Variants in TRIM24 observed in about 807,000 individuals in gnomAD.
TRIM24 encodes the protein tripartite motif containing 24.
In TRIM24, 29 loss-of-function variants were observed where a neutral mutation model predicts 123.9. That is an observed-to-expected ratio of 0.23 (90% CI 0.17 to 0.32). TRIM24 has a LOEUF of 0.32. Among genes scored for constraint, TRIM24 ranks in the 10% least tolerant of loss-of-function variants. The pLI, the probability that TRIM24 is intolerant of heterozygous loss-of-function variation, is 1.00. For missense variants in TRIM24, 932 were observed against 1,295.3 expected (o/e 0.72, Z 4.31); for synonymous variants, 456 against 461.1 (o/e 0.99, Z 0.14).
Position 138,585,025 on chromosome 7 carries a change from A to G in TRIM24, c.*74A>G. ...AAAAAACATTTGTCAGTAATTTAAC[A>G]TCACTACAAAAAGAAGAGTTTGTGA... On this transcript the variant is annotated 3_prime_UTR_variant, in exon 19 of 19. Transcript: ENST00000343526. 7.7e-7 allele frequency: 1 copy of G among 1,296,120 alleles called. No individual in the cohort carries two copies. Among genetic ancestry groups the G allele is most frequent in the East Asian group, 2.4e-5 (1 of 41,574 alleles). The allele number at this position is 1,296,120 out of a possible 1,614,324, so 80.3% of individuals were successfully genotyped here.
chr7:138,502,095 T>A (rs1253550118), intron 1 of TRIM24, among the ~76,000 whole-genome samples: 1 of 152,214 alleles, frequency 6.6e-6, no homozygotes, highest in Non-Finnish European at 1.5e-5. Flanking sequence ...GGTATATCCA[T>A]GACTCAGAAT....
chr7:138,529,113 C>T lies in TRIM24; in HGVS notation c.882-3C>T. The T allele has an allele frequency of 1.3e-6, 2 of 1,506,658 alleles. No individual in the cohort carries two copies. Among genetic ancestry groups the T allele is most frequent in the Non-Finnish European group, 1.8e-6 (2 of 1,120,978 alleles). 93.3% of individuals were successfully genotyped at this position (1,506,658 alleles called of 1,614,324 possible). On this transcript the variant is annotated splice_region_variant and splice_polypyrimidine_tract_variant and intron_variant, in intron 5 of 18. Transcript: ENST00000343526. Reference sequence around the variant, plus strand: ...TTATGTTTTTCCCCGTTTTAATTTTCAGAATTATTGAAGTAAATCAAAATC... The same window carrying T: ...TTATGTTTTTCCCCGTTTTAATTTTTAGAATTATTGAAGTAAATCAAAATC...
intron 1 of TRIM24, among the ~76,000 whole-genome samples, chr7:138,478,338 T>C (rs1795448137): frequency 6.6e-6 from 1 of 152,162 alleles, no homozygotes; most frequent in African/African-American, 2.4e-5. Context: ...ATTAATATTA[T>C]AGGTCAGGGT....
chr7:138,579,577 T>C (rs1797850324), intron 15 of TRIM24, 45 bp downstream of exon 15: 1 of 1,476,170 alleles, frequency 6.8e-7, no homozygotes, highest in Non-Finnish European at 9.2e-7. Flanking sequence ...TGTAAACTTT[T>C]GAAGATTATT....
intron 1 of TRIM24, among the ~76,000 whole-genome samples, chr7:138,479,090 C>A (rs1795469077): frequency 6.6e-6 from 1 of 152,170 alleles, no homozygotes; most frequent in Admixed American, 6.5e-5. Context: ...TTCCTGAGGT[C>A]ATTTCAGCTG....
At chr7:138,563,420 C>G (rs966629057) in intron 9 of TRIM24, among the ~76,000 whole-genome samples, 2 of 152,200 alleles carry the variant, frequency 1.3e-5, no homozygotes, top group Admixed American at 6.5e-5. Context: ...TTGGCCCCAT[C>G]TCCGTCTGTG....
chr7:138,565,769 C>T (rs545834004), intron 9 of TRIM24, among the ~76,000 whole-genome samples: 4 of 152,238 alleles, frequency 2.6e-5, no homozygotes, highest in African/African-American at 9.6e-5. Context: ...GTTTAAATGG[C>T]GTGGTGGGAA....
At chr7:138,567,410 T>C (rs1192897842) in intron 9 of TRIM24, 71 bp from the exon 10 acceptor site, 20 of 1,407,182 alleles carry the variant, frequency 1.4e-5, no homozygotes, top group Non-Finnish European at 1.9e-5. Flanking sequence ...AAAAGTTTTA[T>C]AAGATAGAGA....
chr7:138,578,444 C>CAGTT (rs1051739870), intron 14 of TRIM24, among the ~76,000 whole-genome samples: 31 of 152,004 alleles, frequency 2.0e-4, no homozygotes, highest in African/African-American at 6.8e-4. Context: ...TGGCAATAAA[C>CAGTT]AGTTATACCA....
chr7:138,566,489 A>C (rs1400693017), intron 9 of TRIM24, among the ~76,000 whole-genome samples: 1 of 152,076 alleles, frequency 6.6e-6, no homozygotes, highest in East Asian at 1.9e-4. Flanking sequence ...ACTCCATCTC[A>C]AAAAACAAAC....
chr7:138,509,460 T>C (rs1437971458), intron 2 of TRIM24, among the ~76,000 whole-genome samples: 2 of 150,916 alleles, frequency 1.3e-5, no homozygotes, highest in African/African-American at 4.8e-5. Flanking sequence ...TCCCAATACT[T>C]TGTGAGGCCG....
intron 1 of TRIM24, among the ~76,000 whole-genome samples, chr7:138,474,000 AG>A (rs1795342418): frequency 2.6e-5 from 4 of 152,164 alleles, no homozygotes; most frequent in African/African-American, 9.6e-5. Context: ...TGGACTTCTG[AG>A]CTCAAGTGAT....
intron 1 of TRIM24, chr7:138,491,180 A>G: frequency 3.6e-6 from 1 of 279,980 alleles, no homozygotes; most frequent in Admixed American, 3.9e-5. Flanking sequence ...CTGCAAACAC[A>G]TAACCCTTGA....
chr7:138,513,575 C>T (rs369314814), intron 2 of TRIM24, among the ~76,000 whole-genome samples: 3 of 151,928 alleles, frequency 2.0e-5, no homozygotes, highest in South Asian at 2.1e-4. Context: ...AGGGGGGAGG[C>T]GCCACACACT....
chr7:138,515,138 CAT>C (rs571198200), intron 2 of TRIM24, 72 bp from the exon 3 acceptor site: 12 of 1,475,346 alleles, frequency 8.1e-6, no homozygotes, highest in Middle Eastern at 1.8e-4. Flanking sequence ...ATTGGTGTAT[CAT>C]GTACGCATAG....
chr7:138,518,553 G>T (rs990930194), intron 3 of TRIM24, among the ~76,000 whole-genome samples: 1 of 152,116 alleles, frequency 6.6e-6, no homozygotes. Context: ...TTATTTCTGT[G>T]TTAATGGGTA....
chr7:138,538,117 G>C (rs1199833404), intron 6 of TRIM24, among the ~76,000 whole-genome samples: 1 of 152,194 alleles, frequency 6.6e-6, no homozygotes, highest in Non-Finnish European at 1.5e-5. Context: ...TGGCTCCGAT[G>C]TTAATTCTCA....
chr7:138,491,110 G>T, intron 1 of TRIM24: 1 of 281,884 alleles, frequency 3.5e-6, no homozygotes, highest in Non-Finnish European at 7.0e-6. Context: ...GAACATCTTT[G>T]ATAATCAGTT....
chr7:138,537,532 A>G (rs1328963435), intron 6 of TRIM24, among the ~76,000 whole-genome samples: 1 of 151,962 alleles, frequency 6.6e-6, no homozygotes, highest in Non-Finnish European at 1.5e-5. Context: ...ATTAGGATAG[A>G]GGACCAAAAA....
Sources: gnomAD v4.1 joint callset for allele counts (sites outside exome capture counted in the v4.1 genomes callset) on GRCh38, gnomAD v4.1.1 for gene constraint, MANE v1.5 for transcripts, NCBI Gene and HGNC (gene_info 2026-07-23, HGNC 2026-07-21) for gene names.